CAMK2B: variants seen among roughly 807,000 people sequenced by gnomAD.
The protein encoded by CAMK2B is calcium/calmodulin dependent protein kinase II beta, also known as calcium/calmodulin-dependent protein kinase type II subunit beta.
CAMK2B carries 27 observed loss-of-function variants against 93.7 expected under a neutral mutation model. The observed-to-expected ratio is 0.29, with a 90% confidence interval of 0.21 to 0.40. CAMK2B has a LOEUF of 0.40. Ranked by LOEUF, CAMK2B falls within the 10% of genes least tolerant of loss-of-function variation. The probability of loss-of-function intolerance (pLI) is 1.00; values close to 1 mark genes in which losing one functional copy is unlikely to be tolerated. For missense variants in CAMK2B, 568 were observed against 895.8 expected, an observed-to-expected ratio of 0.63 and a Z score of 4.67; for synonymous variants, 374 against 358.8, an observed-to-expected ratio of 1.04 and a Z score of -0.48.
chr7:44,306,423 C>T (rs904176692), intron 1 of CAMK2B, among the ~76,000 whole-genome samples: 1 of 152,228 alleles, frequency 6.6e-6, no homozygotes, highest in Admixed American at 6.5e-5. Flanking sequence ...AGGAGCTGTG[C>T]CCCAGAACAA....
At position 44,311,063 on chromosome 7, in the gene CAMK2B, GTTTTTA is replaced by G. The variant is rs1186113248; in HGVS notation, c.65+14288_65+14293del. The stretch of plus-strand genomic sequence containing the variant: ...CTTGCAATGCTGTCTTTAAAATCTG[GTTTTTA>G]TTTTTATTATTTTTTTACTTTTTTG... On this transcript the variant is annotated intron_variant, in intron 1 of 23. Transcript: ENST00000395749. The surrounding 1 kb of genome is among the most constrained non-coding windows in gnomAD (Gnocchi z 4.2). Among the ~76,000 whole-genome samples, 2 of 152,020 alleles carry G rather than the reference GTTTTTA, an allele frequency of 1.3e-5. No individual in the cohort carries two copies. Among genetic ancestry groups the G allele is most frequent in the African/African-American group, 4.8e-5 (2 of 41,380 alleles).
intron 2 of CAMK2B, among the ~76,000 whole-genome samples, chr7:44,265,907 A>G (rs1242346394): frequency 6.6e-6 from 1 of 151,780 alleles, no homozygotes; most frequent in African/African-American, 2.4e-5. Flanking sequence ...ACAAGATCTA[A>G]GCTGGTAACA....
chr7:44,227,842 A>T, intron 19 of CAMK2B, among the ~76,000 whole-genome samples: 1 of 101,072 alleles, frequency 9.9e-6, no homozygotes, highest in South Asian at 4.0e-4. Context: ...TTTGGGGAGG[A>T]AAATGGAAAT....
intron 2 of CAMK2B, among the ~76,000 whole-genome samples, chr7:44,280,033 A>T (rs2097090220): frequency 6.6e-6 from 1 of 152,198 alleles, no homozygotes. Context: ...GTATCTGCTC[A>T]TCTCTGTGTC....
At chr7:44,252,419 A>G (rs1420378739) in intron 5 of CAMK2B, among the ~76,000 whole-genome samples, 5 of 151,756 alleles carry the variant, frequency 3.3e-5, no homozygotes, top group East Asian at 1.9e-4. Context: ...CAGGACATCA[A>G]TAAGGAGGCA....
intron 1 of CAMK2B, among the ~76,000 whole-genome samples, chr7:44,306,973 A>G (rs950478807): frequency 4.8e-3 from 77 of 15,918 alleles, no homozygotes; most frequent in Admixed American, 6.0e-3. Flanking sequence ...GATGTGAGAA[A>G]GGGGAGGAGG....
chr7:44,306,965 T>G (rs1486064080), intron 1 of CAMK2B, among the ~76,000 whole-genome samples: 5 of 67,142 alleles, frequency 7.4e-5, no homozygotes, highest in Non-Finnish European at 1.1e-4. Context: ...GGGAGGAGGA[T>G]GTGAGAAAGG....
intron 2 of CAMK2B, 25 bp from the exon 3 acceptor site, chr7:44,263,089 T>C (rs770412244): frequency 2.5e-6 from 4 of 1,611,196 alleles, no homozygotes; most frequent in Admixed American, 3.3e-5. Flanking sequence ...AAACAAGGCG[T>C]CACCTCCTGC....
intron 5 of CAMK2B, among the ~76,000 whole-genome samples, chr7:44,247,575 G>A (rs2096744013): frequency 6.6e-6 from 1 of 152,008 alleles, no homozygotes; most frequent in African/African-American, 2.4e-5. Flanking sequence ...GAGCAGGCCG[G>A]GCGAGCGGGC....
At chr7:44,276,365 T>C (rs575213636) in intron 2 of CAMK2B, among the ~76,000 whole-genome samples, 2 of 152,228 alleles carry the variant, frequency 1.3e-5, no homozygotes, top group African/African-American at 4.8e-5. Flanking sequence ...TGGCTGTGGA[T>C]TGCGCGGGAG....
intron 4 of CAMK2B, 105 bp downstream of exon 4, chr7:44,258,767 A>G: frequency 2.0e-6 from 2 of 1,023,988 alleles, no homozygotes; most frequent in South Asian, 2.7e-5. Context: ...GGGAGTGGCC[A>G]GCCCACGGGT....
chr7:44,325,386 G>C lies in CAMK2B; in HGVS notation c.36C>G (p.Asp12Glu), dbSNP rs1327510300. 7.3e-6 allele frequency: 9 copies of C among 1,229,972 alleles called. No individual in the cohort carries two copies. Among genetic ancestry groups the C allele is most frequent in the Non-Finnish European group, 9.4e-6 (9 of 957,514 alleles). The allele number at this position is 1,229,972 out of a possible 1,614,324, so 76.2% of individuals were successfully genotyped here. Reference sequence around the variant, plus strand: ...CAATATCCTCGTAGAGCTGGTACTCGTCGGTGAAGCGGGTGCAGGTCACCG... The same window carrying C: ...CAATATCCTCGTAGAGCTGGTACTCCTCGGTGAAGCGGGTGCAGGTCACCG... ...ATTVTCTRFTDEYQLYEDIGK... is the reference protein window; with the variant it reads ...ATTVTCTRFTEEYQLYEDIGK... Residue 12 changes from aspartate to glutamate, a missense_variant, in exon 1 of 24, where the codon GAC (aspartate) becomes GAG (glutamate). Asp to Glu is a conservative substitution (Grantham distance 45, BLOSUM62 2). This residue lies in a region of CAMK2B where 39 missense variants were observed against 43.4 expected (regional missense o/e 0.90). Transcript: ENST00000395749.
rs1785053094 is a variant in CAMK2B at position 44,286,242 on chromosome 7, T to C, written c.66-2017A>G. Among the ~76,000 whole-genome samples, 3 of 152,100 alleles carry C rather than the reference T, an allele frequency of 2.0e-5. No individual in the cohort carries two copies. Among genetic ancestry groups the C allele is most frequent in the Admixed American group, 6.5e-5 (1 of 15,278 alleles). ...CCGAAACCAGTCCTGAGCTACCATCTGTCACGCTCTGACCCCTAGAGGGCT... is the reference window on the plus strand; with the variant it reads ...CCGAAACCAGTCCTGAGCTACCATCCGTCACGCTCTGACCCCTAGAGGGCT... On this transcript the variant is annotated intron_variant, in intron 1 of 23. Coordinates refer to ENST00000395749, the MANE Select transcript of CAMK2B (RefSeq NM_001220.5). This position sits in a 1 kb window ranked among gnomAD's most constrained non-coding sequence, Gnocchi z 4.0.
chr7:44,235,012 G>A (rs532304339), intron 13 of CAMK2B, among the ~76,000 whole-genome samples: 5 of 152,262 alleles, frequency 3.3e-5, no homozygotes, highest in Non-Finnish European at 5.9e-5. Flanking sequence ...GCAGGATGCT[G>A]CTTCCTCCCT....
intron 4 of CAMK2B, among the ~76,000 whole-genome samples, chr7:44,256,950 G>A (rs866808355): frequency 1.2e-4 from 19 of 152,192 alleles, no homozygotes; most frequent in African/African-American, 3.9e-4. Flanking sequence ...GACACAGTCC[G>A]GGAAGGCACA....
chr7:44,226,017 AGCTGCCCCCC>A, intron 20 of CAMK2B: 1 of 898,358 alleles, frequency 1.1e-6, no homozygotes, highest in South Asian at 1.6e-5. Flanking sequence ...GCCTGGCCCC[AGCTGCCCCCC>A]AGATCCGCGC....
chr7:44,287,417 C>T (rs1419492057), intron 1 of CAMK2B, among the ~76,000 whole-genome samples: 2 of 152,206 alleles, frequency 1.3e-5, no homozygotes, highest in Non-Finnish European at 2.9e-5. Flanking sequence ...CTGCCATCTC[C>T]CCGGGGAACT....
chr7:44,307,950 T>C (rs536070111), intron 1 of CAMK2B, among the ~76,000 whole-genome samples: 1 of 152,178 alleles, frequency 6.6e-6, no homozygotes, highest in African/African-American at 2.4e-5. Flanking sequence ...ACTGCAGCCT[T>C]GATCTCCTAG....
intron 2 of CAMK2B, among the ~76,000 whole-genome samples, chr7:44,265,930 C>A (rs955893036): frequency 6.6e-6 from 1 of 152,044 alleles, no homozygotes; most frequent in African/African-American, 2.4e-5. Context: ...CAAACACACA[C>A]GTCGTATCGA....
Sources: allele counts gnomAD v4.1 joint callset (sites outside exome capture counted in the v4.1 genomes callset), GRCh38; gene constraint gnomAD v4.1.1; regional missense constraint gnomAD v4.1.1; non-coding constraint Gnocchi (gnomAD v3.1); transcripts MANE v1.5; gene names NCBI Gene and HGNC (gene_info 2026-07-23, HGNC 2026-07-21).